The following FERMT1 variants were observed in gnomAD, a reference collection of about 807,000 sequenced individuals.
FERMT1 encodes the protein fermitin family homolog 1.
In FERMT1, 60 loss-of-function variants were observed where a neutral mutation model predicts 85.3. The observed-to-expected ratio is 0.70, with a 90% CI of 0.57 to 0.87. FERMT1 has a LOEUF of 0.87. Among genes scored for constraint, FERMT1 ranks in the 40% least tolerant of loss-of-function variants. The pLI, the probability that FERMT1 is intolerant of heterozygous loss-of-function variation, is 0.00. For missense variants in FERMT1, 701 were observed against 818.9 expected (o/e 0.86, Z 1.76); for synonymous variants, 275 against 301.1 (o/e 0.91, Z 0.90).
rs77424372 is a variant in FERMT1 at position 6,110,386 on chromosome 20, C to G, written c.658G>C (p.Ala220Pro). ...GGGGACTGGGGGGGTTGGCTGAATG[C>G]GAGGATGCTGCAGTTTTGTTCCGTC... ...PLTEQNCSIL[A>P]FSQPPQSPEA... Residue 220 changes from alanine (A) to proline (P), a missense_variant, in exon 5 of 15, where the codon GCA becomes CCA. Coordinates refer to ENST00000217289, the MANE Select transcript of FERMT1 (RefSeq NM_017671.5). The G allele has an allele frequency of 6.2e-7, 1 of 1,613,890 alleles. No individual in the cohort carries two copies. Among genetic ancestry groups the G allele is most frequent in the South Asian group, 1.1e-5 (1 of 91,058 alleles).
At chr20:6,117,185 A>T (rs1983124896) in intron 2 of FERMT1, among the ~76,000 whole-genome samples, 1 of 152,108 alleles carries the variant, frequency 6.6e-6, no homozygotes, top group African/African-American at 2.4e-5. Context: ...TCAATTTTCA[A>T]TCTTTTATTT....
chr20:6,085,576 T>A (rs1027690587), intron 11 of FERMT1, among the ~76,000 whole-genome samples: 3 of 152,130 alleles, frequency 2.0e-5, no homozygotes, highest in Admixed American at 1.3e-4. Context: ...AAGGGCCAGG[T>A]GCGGTGGCTC....
intron 13 of FERMT1, among the ~76,000 whole-genome samples, chr20:6,083,286 C>A (rs960656783): frequency 1.3e-5 from 2 of 152,056 alleles, no homozygotes; most frequent in African/African-American, 2.4e-5. Context: ...GGGCTTTATG[C>A]CAAGTGTGCC....
intron 6 of FERMT1, 136 bp downstream of exon 6, chr20:6,107,396 T>A (rs1982828261): frequency 1.5e-5 from 8 of 540,552 alleles, no homozygotes; most frequent in Non-Finnish European, 2.1e-5. Context: ...GGTCCATGTA[T>A]CAGTCTCACC....
chr20:6,107,616 G>A lies in FERMT1; in HGVS notation c.765C>T (p.Arg255=). Residue 255 remains arginine (R), a synonymous_variant, in exon 6 of 15, where the codon CGC becomes CGT. Transcript: ENST00000217289. Reference sequence around the variant, plus strand: ...CTTGGATGCCTTGTTCCATAAGGGAGCGTGAGGAGTCTAGCCAACTAGAAA... The same window carrying A: ...CTTGGATGCCTTGTTCCATAAGGGAACGTGAGGAGTCTAGCCAACTAGAAA... The part of the protein sequence containing the change: ...KLNAGWLDSS[R]SLMEQGIQED... The A allele has an allele frequency of 6.2e-7, 1 of 1,609,910 alleles. No homozygotes were observed. Among genetic ancestry groups the A allele is most frequent in the Non-Finnish European group, 8.5e-7 (1 of 1,176,390 alleles).
chr20:6,083,514 A>C (rs1374733618), intron 13 of FERMT1, among the ~76,000 whole-genome samples: 4 of 152,006 alleles, frequency 2.6e-5, no homozygotes, highest in African/African-American at 9.7e-5. Context: ...TATGAGACAC[A>C]AAAAGGAGGA....
In FERMT1 at chr20:6,104,657, G is replaced by A. The variant is rs1461347697; in HGVS notation, c.849+2875C>T. Among the ~76,000 whole-genome samples, 8 of 152,190 alleles carry A rather than the reference G, an allele frequency of 5.3e-5. No homozygotes were observed. The highest frequency in any genetic ancestry group is 1.5e-5 in the Non-Finnish European group (1 of 68,042). On this transcript the variant is annotated intron_variant, in intron 6 of 14. Coordinates refer to ENST00000217289, the MANE Select transcript of FERMT1 (RefSeq NM_017671.5). This position sits in a 1 kb window ranked among gnomAD's most constrained non-coding sequence, Gnocchi z 4.2. ...GGTTTCACTTTTTAGGCTATGAAGA[G>A]GGAGCTCCTCACCAATTAAGCGGGC... is the stretch of plus-strand genomic sequence containing the variant.
At chr20:6,107,497 A>G in intron 6 of FERMT1, 35 bp downstream of exon 6, 1 of 1,318,124 alleles carries the variant, frequency 7.6e-7, no homozygotes, top group South Asian at 1.2e-5. Context: ...CATTCATATT[A>G]AAAAGAGAAA....
chr20:6,078,646 G>T (rs73074312), intron 14 of FERMT1, among the ~76,000 whole-genome samples: 3,980 of 117,034 alleles, frequency 0.034, 134 homozygotes, highest in African/African-American at 0.097. Flanking sequence ...TTTTTTTTTT[G>T]TTTTTTTTTT....
intron 11 of FERMT1, among the ~76,000 whole-genome samples, chr20:6,087,129 G>T (rs1982210140): frequency 6.6e-6 from 1 of 151,960 alleles, no homozygotes; most frequent in Admixed American, 6.6e-5. Context: ...TCACACTTCT[G>T]CCCTCACCAA....
At chr20:6,078,655 T>G (rs1398784980) in intron 14 of FERMT1, among the ~76,000 whole-genome samples, 14 of 151,518 alleles carry the variant, frequency 9.2e-5, no homozygotes, top group African/African-American at 3.4e-4. Context: ...TGTTTTTTTT[T>G]TTTTTAATTT....
In FERMT1 at chr20:6,115,445, CAT is replaced by C. The variant is rs1761938189; in HGVS notation, c.385+364_385+365del. On this transcript the variant is annotated intron_variant, in intron 3 of 14. Coordinates refer to ENST00000217289, the MANE Select transcript of FERMT1 (RefSeq NM_017671.5). ...CATTATCTCAAAAACAATAAAGACA[CAT>C]AGCTCTATGGTGATTAAGTATTTAA... Among the ~76,000 whole-genome samples, 3 of 152,284 alleles carry C rather than the reference CAT, an allele frequency of 2.0e-5. 1 individual carries two copies. The highest frequency in any genetic ancestry group is 2.0e-4 in the Admixed American group (3 of 15,302).
In FERMT1 at chr20:6,119,504, G is replaced by A. The variant is rs147105196; in HGVS notation, c.51C>T (p.Arg17=). The A allele has an allele frequency of 8.1e-4, 1,309 of 1,614,144 alleles. 11 individuals are homozygous for A. The African/African-American group carries it at 0.016, about 19-fold the overall frequency. ...FTFASWELVV[R]VDHPNEEQQK... Reference sequence around the variant, plus strand: ...GCTGCTCTTCATTGGGATGGTCAACGCGGACCACAAGCTCCCAGGAAGCAA... The same window carrying A: ...GCTGCTCTTCATTGGGATGGTCAACACGGACCACAAGCTCCCAGGAAGCAA... Residue 17 remains arginine, a synonymous_variant, in exon 2 of 15, where the codon CGC becomes CGT. Transcript: ENST00000217289.
intron 4 of FERMT1, 72 bp downstream of exon 4, chr20:6,112,405 G>A (rs1428319695): frequency 7.1e-7 from 1 of 1,403,766 alleles, no homozygotes; most frequent in African/African-American, 1.4e-5. Context: ...GGTGGGGGTG[G>A]GAGGAGAGAT....
intron 1 of FERMT1, among the ~76,000 whole-genome samples, chr20:6,121,870 A>T (rs1175718329): frequency 6.6e-6 from 1 of 152,260 alleles, no homozygotes; most frequent in Non-Finnish European, 1.5e-5. Context: ...AGTAGCCTTT[A>T]CTAAGCATTT....
Position 6,099,634 on chromosome 20 carries a change from T to C in FERMT1, c.850-2003A>G, listed in dbSNP as rs545181317. 5.9e-5 allele frequency among the ~76,000 whole-genome samples: 9 copies of C among 152,132 alleles called. No individual in the cohort carries two copies. The East Asian group carries it at 1.7e-3, about 29-fold the overall frequency. Reference sequence around the variant, plus strand: ...AATTATTGTTTAATAGGTACAGACTTTCTTTTTGGGATGGTAAGAAAGTTT... The same window carrying C: ...AATTATTGTTTAATAGGTACAGACTCTCTTTTTGGGATGGTAAGAAAGTTT... On this transcript the variant is annotated intron_variant, in intron 6 of 14. Transcript: ENST00000217289.
chr20:6,111,488 C>T (rs1048570730), intron 4 of FERMT1, among the ~76,000 whole-genome samples: 1 of 152,010 alleles, frequency 6.6e-6, no homozygotes, highest in African/African-American at 2.4e-5. Flanking sequence ...AAAAATTAGC[C>T]AAGTGTGATG....
intron 8 of FERMT1, 146 bp downstream of exon 8, chr20:6,096,756 G>A (rs1379378496): frequency 6.8e-6 from 6 of 877,988 alleles, no homozygotes; most frequent in Non-Finnish European, 1.1e-5. Flanking sequence ...AGTTCACTAG[G>A]TTGAAGCTTG....
At chr20:6,085,006 T>C (rs1982122316) in intron 12 of FERMT1, 60 bp downstream of exon 12, 4 of 1,504,716 alleles carry the variant, frequency 2.7e-6, no homozygotes, top group Admixed American at 3.3e-5. Flanking sequence ...AATCCTCCTT[T>C]TATTTCTGTT....
Sources: allele counts gnomAD v4.1 joint callset (sites outside exome capture counted in the v4.1 genomes callset), GRCh38; gene constraint gnomAD v4.1.1; non-coding constraint Gnocchi (gnomAD v3.1); transcripts MANE v1.5; gene names NCBI Gene and HGNC (gene_info 2026-07-23, HGNC 2026-07-21).